NBN: variants seen among roughly 807,000 people sequenced by gnomAD.
NBN encodes Nijmegen breakage syndrome 1 (nibrin).
A neutral mutation model predicts 90.8 loss-of-function variants in NBN; 88 were observed. The ratio of observed to expected loss-of-function variants is 0.97; its 90% CI spans 0.82 to 1.16. The LOEUF (loss-of-function observed/expected upper bound fraction) is 1.16. Ranked by LOEUF, NBN falls within the 50% of genes most tolerant of loss-of-function variation. The pLI is 0.00. For missense variants in NBN, 894 were observed against 869.6 expected, an observed-to-expected ratio of 1.03 and a Z score of -0.35; for synonymous variants, 328 against 295.1, an observed-to-expected ratio of 1.11 and a Z score of -1.14.
At chr8:89,973,677 G>A (rs568463084) in intron 5 of NBN, among the ~76,000 whole-genome samples, 123 of 152,282 alleles carry the variant, frequency 8.1e-4, no homozygotes, top group African/African-American at 2.8e-3. Flanking sequence ...AGAGATCATT[G>A]AAAATCATTA....
chr8:89,947,856 C>A lies in NBN; in HGVS notation c.1882G>T (p.Glu628Ter). ...NEIGKKRELK[E>*]DSLWSAKEIS... Reference sequence around the variant, plus strand: ...TCTTTAGCTGACCATAGTGAGTCTTCCTTGAGTTCACGTTTCTTCCCAATT... The same window carrying A: ...TCTTTAGCTGACCATAGTGAGTCTTACTTGAGTTCACGTTTCTTCCCAATT... Residue 628 changes from glutamate to a stop codon, truncating the protein, a stop_gained, in exon 12 of 16, where the codon GAA becomes TAA. Transcript: ENST00000265433. LOFTEE classifies it high-confidence loss of function. 6.3e-7 allele frequency: 1 copy of A among 1,582,712 alleles called. No homozygotes were observed. Among genetic ancestry groups the A allele is most frequent in the Non-Finnish European group, 8.7e-7 (1 of 1,155,984 alleles).
At chr8:89,976,517 G>A (rs1036036572) in intron 5 of NBN, among the ~76,000 whole-genome samples, 4 of 152,196 alleles carry the variant, frequency 2.6e-5, no homozygotes, top group Admixed American at 6.5e-5. Flanking sequence ...TCTCCTGGGA[G>A]GGGAACCATG....
chr8:89,937,571 C>T (rs1053333471), intron 14 of NBN, among the ~76,000 whole-genome samples: 1 of 152,198 alleles, frequency 6.6e-6, no homozygotes, highest in Non-Finnish European at 1.5e-5. Context: ...TAAACTTCTA[C>T]AGCACCTTAC....
Position 89,953,430 on chromosome 8 carries a change from C to T in NBN, c.1659G>A (p.Met553Ile), listed in dbSNP as rs876659960. ...EKLRSNKKRE[M>I]DDVAIEDEVL... is the part of the protein sequence containing the mutation. ...CTTCATCTTCTATGGCCACATCATC[C>T]ATTTCCCTTTTTTTATTTGATCTTA... Residue 553 changes from methionine to isoleucine, a missense_variant, in exon 11 of 16, where the codon ATG becomes ATA. Coordinates refer to ENST00000265433, the MANE Select transcript of NBN (RefSeq NM_002485.5). 5.6e-6 allele frequency: 9 copies of T among 1,613,708 alleles called. No individual in the cohort carries two copies. The highest frequency in any genetic ancestry group is 6.8e-6 in the Non-Finnish European group (8 of 1,179,870).
rs781536675 is a variant in NBN, at chr8:89,982,816, A to G, written c.77T>C (p.Val26Ala). ...CAGAATGGCACAGTTTTTCCTTCCA[A>G]CAACGTACTCAACGCCAGTCAAAAG... is the stretch of plus-strand genomic sequence containing the variant. ...YRLLTGVEYV[V>A]GRKNCAILIE... Residue 26 changes from valine to alanine, a missense_variant, in exon 2 of 16, where the codon GTT becomes GCT. Transcript: ENST00000265433. 3 of 1,613,734 alleles carry G rather than the reference A, an allele frequency of 1.9e-6. No individual in the cohort carries two copies. Among genetic ancestry groups the G allele is most frequent in the Non-Finnish European group, 2.5e-6 (3 of 1,179,694 alleles).
chr8:89,949,819 A>T (rs1236045426), intron 11 of NBN, among the ~76,000 whole-genome samples: 1 of 152,182 alleles, frequency 6.6e-6, no homozygotes, highest in Non-Finnish European at 1.5e-5. Context: ...AAATGAAAGG[A>T]TTAAGAAGTA....
chr8:89,970,315 A>C (rs775755838), intron 7 of NBN, 49 bp downstream of exon 7: 9 of 1,478,734 alleles, frequency 6.1e-6, no homozygotes, highest in Non-Finnish European at 7.5e-6. Flanking sequence ...AAGGTTAAAC[A>C]TAAAATCTCC....
In NBN at chr8:89,933,614, AACAT is replaced by A. The variant is rs1809535063; in HGVS notation, c.*1964_*1967del. On this transcript the variant is annotated 3_prime_UTR_variant, in exon 16 of 16. Coordinates refer to ENST00000265433, the MANE Select transcript of NBN (RefSeq NM_002485.5). ...AAAAGAACCCTGATCCATAATTCAC[AACAT>A]ACATATCAATTCAAGGTAGATCACA... 1 of 232,204 alleles carries A rather than the reference AACAT, an allele frequency of 4.3e-6. No individual in the cohort carries two copies. The highest frequency in any genetic ancestry group is 5.6e-5 in the Admixed American group (1 of 17,770). The allele number at this position is 232,204 out of a possible 1,614,324, so 14.4% of individuals were successfully genotyped here. A position where few individuals can be genotyped will look rare whatever the true frequency, so the allele number is the denominator to read the frequency against.
intron 2 of NBN, 50 bp from the exon 3 acceptor site, chr8:89,981,573 C>G (rs759207799): frequency 7.5e-6 from 12 of 1,598,068 alleles, no homozygotes; most frequent in Non-Finnish European, 1.0e-5. Flanking sequence ...AGTACATTCA[C>G]TTCTCAGAGA....
rs1299469177 is a variant in NBN, at chr8:89,935,400, A to C, written c.*182T>G. 2 of 675,246 alleles carry C rather than the reference A, an allele frequency of 3.0e-6. No homozygotes were observed. The highest frequency in any genetic ancestry group is 3.6e-5 in the African/African-American group (2 of 54,986). 41.8% of individuals were successfully genotyped at this position (675,246 alleles called of 1,614,324 possible). On this transcript the variant is annotated 3_prime_UTR_variant, in exon 16 of 16. Coordinates refer to ENST00000265433, the MANE Select transcript of NBN (RefSeq NM_002485.5). ...AAAGATGCAATGACAAAGCCTGAAA[A>C]CAGAACAAACAATTGTTACATACAA...
chr8:89,937,515 C>T (rs1333530477), intron 14 of NBN, among the ~76,000 whole-genome samples: 1 of 152,174 alleles, frequency 6.6e-6, no homozygotes, highest in Non-Finnish European at 1.5e-5. Context: ...TTAGAAGCTG[C>T]TGCTAAATTA....
At chr8:89,984,270 T>C in intron 1 of NBN, 2 of 567,524 alleles carry the variant, frequency 3.5e-6, no homozygotes, top group South Asian at 4.2e-5. Flanking sequence ...GGAGGGGGAG[T>C]CAGGGGAGGG....
chr8:89,969,996 C>T (rs1281602425), intron 7 of NBN, among the ~76,000 whole-genome samples: 1 of 150,704 alleles, frequency 6.6e-6, no homozygotes, highest in Non-Finnish European at 1.5e-5. Context: ...TACCTGTAAT[C>T]CCAGCACTTT....
chr8:89,939,504 C>A (rs555719236), intron 14 of NBN, among the ~76,000 whole-genome samples: 28 of 152,164 alleles, frequency 1.8e-4, no homozygotes, highest in African/African-American at 6.5e-4. Flanking sequence ...CTTCTCCCAT[C>A]TAAAATTAAT....
chr8:89,976,375 A>C (rs1811758231), intron 5 of NBN, among the ~76,000 whole-genome samples: 1 of 152,198 alleles, frequency 6.6e-6, no homozygotes, highest in East Asian at 1.9e-4. Context: ...TCGGAACAGG[A>C]TTTGGCTGAA....
At chr8:89,971,420 A>G in intron 5 of NBN, 130 bp from the exon 6 acceptor site, 1 of 1,109,542 alleles carries the variant, frequency 9.0e-7, no homozygotes, top group South Asian at 1.8e-5. Context: ...TTTTTAAGTA[A>G]GAATTTTATC....
At chr8:89,960,438 C>T (rs1322312621) in intron 8 of NBN, among the ~76,000 whole-genome samples, 3 of 152,138 alleles carry the variant, frequency 2.0e-5, no homozygotes, top group East Asian at 3.9e-4. Context: ...CTGCTTGAGG[C>T]CAGGAGTTAA....
chr8:89,953,760 G>C, intron 10 of NBN, 69 bp from the exon 11 acceptor site: 1 of 1,230,470 alleles, frequency 8.1e-7, no homozygotes, highest in Non-Finnish European at 1.1e-6. Flanking sequence ...ATTTAGTTTG[G>C]CAATATTCAT....
At position 89,937,195 on chromosome 8, in the gene NBN, T is replaced by C. The variant is rs1018790651; in HGVS notation, c.2185-120A>G. On this transcript the variant is annotated intron_variant, in intron 14 of 15. Transcript: ENST00000265433. ...TCCACATCCTGGAGGTCACCACATC[T>C]GAGTTCTTGCCTCTACAATATTTCA... 4.8e-6 allele frequency: 4 copies of C among 839,494 alleles called. No individual in the cohort carries two copies. The Admixed American group carries it at 8.0e-5, about 17-fold the overall frequency. 52.0% of individuals were successfully genotyped at this position (839,494 alleles called of 1,614,324 possible). A position where few individuals can be genotyped will look rare whatever the true frequency, so the allele number is the denominator to read the frequency against.
Sources: gnomAD v4.1 joint callset for allele counts (sites outside exome capture counted in the v4.1 genomes callset) on GRCh38, gnomAD v4.1.1 for gene constraint, MANE v1.5 for transcripts, NCBI Gene and HGNC (gene_info 2026-07-23, HGNC 2026-07-21) for gene names.